The following SMYD4 variants were observed in gnomAD, a reference collection of about 807,000 sequenced individuals.
The protein encoded by SMYD4 is protein-lysine N-methyltransferase SMYD4.
In SMYD4, 68 loss-of-function variants were observed where a neutral mutation model predicts 72.8. That is an observed-to-expected ratio of 0.93 (90% CI 0.77 to 1.14). The LOEUF (loss-of-function observed/expected upper bound fraction) is 1.14, where lower values mean the gene tolerates loss of function less well. SMYD4 is among the 50% of genes most tolerant of loss of function. The pLI, the probability that SMYD4 is intolerant of heterozygous loss-of-function variation, is 0.00. For synonymous variants in SMYD4, 407 were observed against 388.6 expected (o/e 1.05, Z -0.56); for missense variants, 984 against 1,003.7 (o/e 0.98, Z 0.27).
At chr17:1,818,094 A>T (rs73299062) in intron 2 of SMYD4, among the ~76,000 whole-genome samples, 3 of 150,892 alleles carry the variant, frequency 2.0e-5, no homozygotes, top group Non-Finnish European at 2.9e-5. Context: ...TCTTAACTTT[A>T]GGTCTCTGAT....
intron 3 of SMYD4, among the ~76,000 whole-genome samples, chr17:1,808,751 T>G (rs1222518602): frequency 6.6e-6 from 1 of 152,192 alleles, no homozygotes; most frequent in Non-Finnish European, 1.5e-5. Context: ...TGTGATCACA[T>G]TTATGATGCA....
chr17:1,793,558 G>A (rs1300445620), intron 5 of SMYD4, among the ~76,000 whole-genome samples: 2 of 151,996 alleles, frequency 1.3e-5, no homozygotes, highest in Non-Finnish European at 2.9e-5. Flanking sequence ...AGACTCAAAA[G>A]TCACATCAGG....
At chr17:1,826,652 G>A (rs1461487927) in intron 2 of SMYD4, among the ~76,000 whole-genome samples, 1 of 152,102 alleles carries the variant, frequency 6.6e-6, no homozygotes, top group Non-Finnish European at 1.5e-5. Context: ...CTATGTGCCT[G>A]GCACAAAGAT....
At chr17:1,807,423 C>CG (rs1403929400) in intron 3 of SMYD4, among the ~76,000 whole-genome samples, 1 of 151,922 alleles carries the variant, frequency 6.6e-6, no homozygotes, top group African/African-American at 2.4e-5. Flanking sequence ...GTACCGCCCC[C>CG]CCCGGCCCCC....
At chr17:1,794,105 A>ATATATATATATATATATT (rs1291818005) in intron 5 of SMYD4, among the ~76,000 whole-genome samples, 1 of 12,988 alleles carries the variant, frequency 7.7e-5, no homozygotes, top group Non-Finnish European at 1.4e-4. Flanking sequence ...ATATATATAT[A>ATATATATATATATATATT]TTTTTTTTTT....
intron 2 of SMYD4, among the ~76,000 whole-genome samples, chr17:1,827,360 A>C (rs1009225132): frequency 6.6e-6 from 1 of 151,630 alleles, no homozygotes; most frequent in Non-Finnish European, 1.5e-5. Context: ...AAAGAAAAAA[A>C]AAAAAAGAAA....
chr17:1,798,740 A>C (rs778279404), intron 5 of SMYD4, among the ~76,000 whole-genome samples: 3 of 151,986 alleles, frequency 2.0e-5, no homozygotes, highest in African/African-American at 4.8e-5. Flanking sequence ...TCTACTAACA[A>C]CACAAAAAAA....
At chr17:1,804,604 T>C (rs371599621) in intron 4 of SMYD4, 22 bp downstream of exon 4, 82 of 1,609,928 alleles carry the variant, frequency 5.1e-5, no homozygotes, top group Middle Eastern at 3.3e-4. Context: ...TGTCCTCTCA[T>C]ACCAGGTATC....
At chr17:1,788,155 C>T (rs1340807838) in intron 5 of SMYD4, among the ~76,000 whole-genome samples, 1 of 152,028 alleles carries the variant, frequency 6.6e-6, no homozygotes, top group Non-Finnish European at 1.5e-5. Context: ...CAAGGCCAGC[C>T]TGGACAACAC....
At chr17:1,796,804 C>T (rs1438272169) in intron 5 of SMYD4, among the ~76,000 whole-genome samples, 1 of 151,944 alleles carries the variant, frequency 6.6e-6, no homozygotes, top group Non-Finnish European at 1.5e-5. Context: ...ATTGGGAAGC[C>T]CCATATATTT....
At chr17:1,799,255 C>T (rs1240724640) in intron 5 of SMYD4, among the ~76,000 whole-genome samples, 2 of 148,516 alleles carry the variant, frequency 1.3e-5, no homozygotes, top group East Asian at 2.0e-4. Context: ...AGTGAGACTC[C>T]GTCTCAAAAA....
intron 2 of SMYD4, among the ~76,000 whole-genome samples, chr17:1,814,984 G>A (rs369748075): frequency 7.9e-5 from 12 of 151,868 alleles, no homozygotes; most frequent in African/African-American, 2.9e-4. Flanking sequence ...AAAAACCCTA[G>A]TTCAAACAAA....
At chr17:1,801,627 A>G (rs1011619200) in intron 4 of SMYD4, among the ~76,000 whole-genome samples, 16 of 56,624 alleles carry the variant, frequency 2.8e-4, no homozygotes, top group African/African-American at 5.7e-4. Context: ...CAGGCTTTGA[A>G]AAAAAAAAAA....
intron 2 of SMYD4, among the ~76,000 whole-genome samples, chr17:1,813,474 G>C (rs534039487): frequency 6.6e-6 from 1 of 152,076 alleles, no homozygotes; most frequent in Non-Finnish European, 1.5e-5. Flanking sequence ...CTGTAGTGCA[G>C]CACTGGCACG....
Position 1,783,120 on chromosome 17 carries a change from G to C in SMYD4, c.2176C>G (p.Leu726Val). Residue 726 changes from leucine to valine, a missense_variant, in exon 10 of 11, where the codon CTC becomes GTC. Coordinates refer to ENST00000305513, the MANE Select transcript of SMYD4 (RefSeq NM_052928.3). ...QKSATHLQRS[L>V]YVVEVRHGPS... Reference sequence around the variant, plus strand: ...CCGTGGCGAACCTCCACCACGTAGAGACTCCTCTGTAGATGGGTGGCTGAC... The same window carrying C: ...CCGTGGCGAACCTCCACCACGTAGACACTCCTCTGTAGATGGGTGGCTGAC... 3 of 1,614,204 alleles carry C rather than the reference G, an allele frequency of 1.9e-6. No homozygotes were observed. The highest frequency in any genetic ancestry group is 1.1e-5 in the South Asian group (1 of 91,088).
intron 4 of SMYD4, among the ~76,000 whole-genome samples, 180 bp from the exon 5 acceptor site, chr17:1,801,204 T>A (rs1377228766): frequency 6.6e-6 from 1 of 152,050 alleles, no homozygotes; most frequent in Non-Finnish European, 1.5e-5. Flanking sequence ...GCAATACTTG[T>A]TGAGGATATT....
intron 5 of SMYD4, among the ~76,000 whole-genome samples, chr17:1,797,420 A>C (rs542024068): frequency 6.6e-6 from 1 of 152,358 alleles, no homozygotes; most frequent in Admixed American, 6.5e-5. Flanking sequence ...GCACAGTCAC[A>C]CTGGAGATGT....
chr17:1,795,585 G>C (rs1309790104), intron 5 of SMYD4, among the ~76,000 whole-genome samples: 1 of 152,062 alleles, frequency 6.6e-6, no homozygotes, highest in Non-Finnish European at 1.5e-5. Flanking sequence ...TGGGATTACA[G>C]GCACCTGCCA....
chr17:1,788,842 C>G (rs1908849423), intron 5 of SMYD4, among the ~76,000 whole-genome samples: 1 of 152,220 alleles, frequency 6.6e-6, no homozygotes, highest in African/African-American at 2.4e-5. Context: ...AGAGGCTCTA[C>G]CTGTGCTGGC....
Sources: gnomAD v4.1 joint callset for allele counts (sites outside exome capture counted in the v4.1 genomes callset) on GRCh38, gnomAD v4.1.1 for gene constraint, MANE v1.5 for transcripts, NCBI Gene and HGNC (gene_info 2026-07-23, HGNC 2026-07-21) for gene names.